Variants in CPQ observed in about 807,000 individuals in gnomAD.
The protein encoded by CPQ is Ser-Met dipeptidase.
A neutral mutation model predicts 45.7 loss-of-function variants in CPQ; 37 were observed. The ratio of observed to expected loss-of-function variants is 0.81; its 90% confidence interval spans 0.62 to 1.07. The LOEUF (loss-of-function observed/expected upper bound fraction) is 1.07. CPQ is among the 50% of genes least tolerant of loss of function. The probability of loss-of-function intolerance (pLI) is 0.00; values close to 1 mark genes in which losing one functional copy is unlikely to be tolerated. For synonymous variants in CPQ, 186 were observed against 205.8 expected (o/e 0.90, Z 0.82); for missense variants, 537 against 572.9 (o/e 0.94, Z 0.64).
intron 7 of CPQ, among the ~76,000 whole-genome samples, chr8:97,114,752 C>T: frequency 6.6e-6 from 1 of 152,306 alleles, no homozygotes; most frequent in South Asian, 2.1e-4. Flanking sequence ...ATGAGGCACT[C>T]CTTCATCCTT....
At chr8:96,938,216 G>A (rs867778719) in intron 4 of CPQ, among the ~76,000 whole-genome samples, 1 of 152,094 alleles carries the variant, frequency 6.6e-6, no homozygotes, top group Non-Finnish European at 1.5e-5. Flanking sequence ...ATTCCAGTAG[G>A]AAACAGATGG....
At chr8:97,111,514 C>T (rs1811497929) in intron 7 of CPQ, among the ~76,000 whole-genome samples, 1 of 152,200 alleles carries the variant, frequency 6.6e-6, no homozygotes, top group Non-Finnish European at 1.5e-5. Context: ...AATGCAGGGC[C>T]TCTCTTTTGA....
chr8:96,785,448 T>A, intron 2 of CPQ, 118 bp downstream of exon 2: 2 of 862,376 alleles, frequency 2.3e-6, no homozygotes, highest in Non-Finnish European at 3.4e-6. Flanking sequence ...TCCATTGGCT[T>A]AATGAGTTCT....
At chr8:96,917,141 G>A (rs1311724752) in intron 4 of CPQ, among the ~76,000 whole-genome samples, 1 of 152,010 alleles carries the variant, frequency 6.6e-6, no homozygotes, top group Non-Finnish European at 1.5e-5. Context: ...GAAAGAGGCA[G>A]TTATTAATTC....
chr8:97,071,165 G>A (rs1248043632), intron 7 of CPQ, among the ~76,000 whole-genome samples: 1 of 152,100 alleles, frequency 6.6e-6, no homozygotes, highest in Non-Finnish European at 1.5e-5. Flanking sequence ...AGGAGTTAGA[G>A]GACTTGAGTG....
intron 7 of CPQ, among the ~76,000 whole-genome samples, chr8:97,074,101 T>C (rs1045204648): frequency 3.9e-5 from 6 of 152,240 alleles, no homozygotes; most frequent in African/African-American, 1.4e-4. Flanking sequence ...ATTGGGCAGT[T>C]AGTCATGCAC....
intron 1 of CPQ, among the ~76,000 whole-genome samples, chr8:96,675,227 G>C (rs1809060366): frequency 6.6e-6 from 1 of 151,976 alleles, no homozygotes; most frequent in African/African-American, 2.4e-5. Flanking sequence ...CCTCCACAGA[G>C]ACAAGCACTG....
At position 96,713,776 on chromosome 8, in the gene CPQ, T is replaced by G. The variant is rs2130755930; in HGVS notation, c.-35+68374T>G. 1.3e-5 allele frequency among the ~76,000 whole-genome samples: 2 copies of G among 152,302 alleles called. 1 individual carries two copies. Among genetic ancestry groups the G allele is most frequent in the South Asian group, 4.1e-4 (2 of 4,824 alleles). ...CTTTCAAGAGGTCTATTATGGAGCA[T>G]ATTGACCTATTGTTTCAAGATTTAG... On this transcript the variant is annotated intron_variant, in intron 1 of 7. Coordinates refer to ENST00000220763, the MANE Select transcript of CPQ (RefSeq NM_016134.4).
In CPQ at chr8:96,800,685, TG is replaced by T. The variant is rs1285957725; in HGVS notation, c.433+15358del. Among the ~76,000 whole-genome samples the T allele has an allele frequency of 5.3e-5, 8 of 152,258 alleles. No individual in the cohort carries two copies. In the East Asian group the frequency reaches 1.4e-3, roughly 26 times the overall value. On this transcript the variant is annotated intron_variant, in intron 2 of 7. Transcript: ENST00000220763. Reference sequence around the variant, plus strand: ...TGAATGGCTCTTATAAACATAAAGCTGGGCTTTAAAAAAGTAAAAAATAGAA... The same window carrying T: ...TGAATGGCTCTTATAAACATAAAGCTGGCTTTAAAAAAGTAAAAAATAGAA...
rs563066438 is a variant in CPQ at position 96,925,576 on chromosome 8, T to C, written c.850-40359T>C. Reference sequence around the variant, plus strand: ...ATTTGTATTTTTAGTAGAAACAGGGTTTTGCCAGGTTAGCCAGGCTGGTCT... The same window carrying C: ...ATTTGTATTTTTAGTAGAAACAGGGCTTTGCCAGGTTAGCCAGGCTGGTCT... On this transcript the variant is annotated intron_variant, in intron 4 of 7. Coordinates refer to ENST00000220763, the MANE Select transcript of CPQ (RefSeq NM_016134.4). Among the ~76,000 whole-genome samples, 109 of 152,098 alleles carry C rather than the reference T, an allele frequency of 7.2e-4. 1 individual carries two copies. Among genetic ancestry groups the C allele is most frequent in the Middle Eastern group, 6.8e-3 (2 of 294 alleles).
intron 1 of CPQ, among the ~76,000 whole-genome samples, chr8:96,649,077 G>A (rs1223086054): frequency 6.6e-6 from 1 of 152,256 alleles, no homozygotes; most frequent in Non-Finnish European, 1.5e-5. Context: ...CCCGGTTCAA[G>A]TGATTCTCCT....
intron 4 of CPQ, among the ~76,000 whole-genome samples, chr8:96,953,151 A>C (rs143664236): frequency 5.8e-4 from 88 of 152,260 alleles, no homozygotes; most frequent in Middle Eastern, 3.4e-3. Flanking sequence ...CTAATATCAC[A>C]GGAAAACATT....
intron 1 of CPQ, among the ~76,000 whole-genome samples, chr8:96,741,339 A>T (rs1044327505): frequency 7.2e-5 from 11 of 151,798 alleles, no homozygotes; most frequent in Admixed American, 1.3e-4. Flanking sequence ...AACATTTTTT[A>T]TTGCGTCTGT....
intron 7 of CPQ, among the ~76,000 whole-genome samples, chr8:97,123,158 A>AAAATAAAATAAAAT (rs1563587285): frequency 2.2e-4 from 27 of 120,588 alleles, no homozygotes; most frequent in Non-Finnish European, 3.1e-4. Context: ...TAAATAAAAT[A>AAAATAAAATAAAAT]AAATAAAATA....
chr8:96,920,540 A>G (rs1586452098), intron 4 of CPQ, among the ~76,000 whole-genome samples: 1 of 152,238 alleles, frequency 6.6e-6, no homozygotes, highest in East Asian at 1.9e-4. Flanking sequence ...CCACATTTTT[A>G]TATTAAAGCT....
chr8:96,905,760 CAAAAAAAA>C (rs747470074), intron 4 of CPQ, among the ~76,000 whole-genome samples: 1 of 64,856 alleles, frequency 1.5e-5, no homozygotes, highest in Non-Finnish European at 3.2e-5. Flanking sequence ...CTGTCTTAAC[CAAAAAAAA>C]AAAAAAAAAA....
At chr8:96,735,138 A>G (rs936009226) in intron 1 of CPQ, among the ~76,000 whole-genome samples, 13 of 152,152 alleles carry the variant, frequency 8.5e-5, no homozygotes, top group African/African-American at 3.1e-4. Flanking sequence ...GACACTTATC[A>G]CAATTTTATC....
chr8:96,820,381 A>G (rs960303389), intron 2 of CPQ, among the ~76,000 whole-genome samples: 2 of 152,208 alleles, frequency 1.3e-5, no homozygotes, highest in East Asian at 1.9e-4. Flanking sequence ...TAAAATATAC[A>G]TATATAATTT....
chr8:97,142,957 G>A, intron 7 of CPQ, 63 bp from the exon 8 acceptor site: 1 of 1,509,350 alleles, frequency 6.6e-7, no homozygotes, highest in South Asian at 1.2e-5. Context: ...AAGGGGGAGA[G>A]GTGTGTATTC....
Sources: allele counts gnomAD v4.1 joint callset (sites outside exome capture counted in the v4.1 genomes callset), GRCh38; gene constraint gnomAD v4.1.1; transcripts MANE v1.5; gene names NCBI Gene and HGNC (gene_info 2026-07-23, HGNC 2026-07-21).